Variants in ATP8A2 observed in about 807,000 individuals in gnomAD.
ATP8A2 encodes the protein ATPase phospholipid transporting 8A2.
ATP8A2 carries 100 observed loss-of-function variants against 165.6 expected under a neutral mutation model. That is an observed-to-expected ratio of 0.60 (90% CI 0.51 to 0.71). The LOEUF (loss-of-function observed/expected upper bound fraction) is 0.71. Among genes scored for constraint, ATP8A2 ranks in the 30% least tolerant of loss-of-function variants. The pLI is 0.00. For missense variants in ATP8A2, 1,227 were observed against 1,479.5 expected (o/e 0.83, Z 2.80); for synonymous variants, 543 against 548.8 (o/e 0.99, Z 0.15).
intron 25 of ATP8A2, among the ~76,000 whole-genome samples, chr13:25,716,379 T>TAAG (rs2043255840): frequency 1.3e-5 from 2 of 152,208 alleles, no homozygotes; most frequent in Admixed American, 1.3e-4. Context: ...GGGTCATATC[T>TAAG]AAGAAGCCAT....
chr13:25,796,683 G>A (rs940375861), intron 27 of ATP8A2, among the ~76,000 whole-genome samples: 1 of 152,206 alleles, frequency 6.6e-6, no homozygotes, highest in Admixed American at 6.5e-5. Flanking sequence ...GCTACACAGA[G>A]CCCTTATCTG....
intron 33 of ATP8A2, among the ~76,000 whole-genome samples, chr13:25,907,429 C>T (rs921670527): frequency 2.2e-4 from 33 of 152,094 alleles, no homozygotes; most frequent in Admixed American, 1.7e-3. Flanking sequence ...GTTGGATAAT[C>T]GTTTACTAAC....
chr13:25,689,081 C>G lies in ATP8A2; in HGVS notation c.2212-10092C>G, dbSNP rs374762788. 7.9e-5 allele frequency among the ~76,000 whole-genome samples: 12 copies of G among 152,312 alleles called. 1 individual carries two copies. The highest frequency in any genetic ancestry group is 5.9e-4 in the Admixed American group (9 of 15,292). ...ACTTTAGAGACAGTAAGTGTGGTGG[C>G]TGTGTCTTCAAAATATTGAAGTTTT... On this transcript the variant is annotated intron_variant, in intron 24 of 36. Transcript: ENST00000381655.
chr13:25,782,915 A>AT (rs1302559544), intron 27 of ATP8A2, among the ~76,000 whole-genome samples: 4 of 151,752 alleles, frequency 2.6e-5, no homozygotes, highest in African/African-American at 7.3e-5. Flanking sequence ...AATTTTTTGT[A>AT]TTTTTAGGAG....
chr13:25,460,541 G>T (rs1310285765), intron 1 of ATP8A2, among the ~76,000 whole-genome samples: 1 of 152,124 alleles, frequency 6.6e-6, no homozygotes, highest in Non-Finnish European at 1.5e-5. Flanking sequence ...TTTGGTTTTA[G>T]ATATGAAATA....
intron 33 of ATP8A2, among the ~76,000 whole-genome samples, chr13:25,890,696 A>G (rs1705260949): frequency 6.6e-6 from 1 of 152,224 alleles, no homozygotes; most frequent in South Asian, 2.1e-4. Flanking sequence ...AGAAATACGA[A>G]AATATTTGGG....
At chr13:25,966,061 G>C (rs1363960064) in intron 34 of ATP8A2, among the ~76,000 whole-genome samples, 1 of 143,782 alleles carries the variant, frequency 7.0e-6, no homozygotes, top group Non-Finnish European at 1.5e-5. Flanking sequence ...GAAAGTTCAA[G>C]ATCCTTAAAC....
chr13:25,934,066 C>T (rs1430550302), intron 33 of ATP8A2, among the ~76,000 whole-genome samples: 2 of 152,252 alleles, frequency 1.3e-5, no homozygotes, highest in Middle Eastern at 3.4e-3. Context: ...GAAAACTACC[C>T]AAAAGAAAAG....
At chr13:25,867,432 G>A (rs1297671395) in intron 33 of ATP8A2, among the ~76,000 whole-genome samples, 2 of 152,150 alleles carry the variant, frequency 1.3e-5, no homozygotes, top group Non-Finnish European at 2.9e-5. Context: ...CAAGTAGGTG[G>A]CCATCTTTGC....
At chr13:25,709,164 C>A (rs145786883) in intron 25 of ATP8A2, among the ~76,000 whole-genome samples, 237 of 152,300 alleles carry the variant, frequency 1.6e-3, no homozygotes, top group Non-Finnish European at 2.9e-3. Context: ...CCATCAAATT[C>A]TTGACACCTG....
intron 7 of ATP8A2, among the ~76,000 whole-genome samples, chr13:25,539,060 AGTGTGTGTGTGTGTGTGTGTGTGT>A (rs57382485): frequency 7.3e-6 from 1 of 137,410 alleles, no homozygotes; most frequent in East Asian, 2.2e-4. Flanking sequence ...TAGAAAATTT[AGTGTGTGTGTGTGTGTGTGTGTGT>A]GTGTGTGTGT....
intron 27 of ATP8A2, among the ~76,000 whole-genome samples, chr13:25,794,905 T>C (rs1231859018): frequency 1.3e-5 from 2 of 151,406 alleles, no homozygotes; most frequent in Non-Finnish European, 2.9e-5. Flanking sequence ...TATTTTCTTG[T>C]AATCATTTTT....
At chr13:25,924,898 C>T (rs1013881958) in intron 33 of ATP8A2, among the ~76,000 whole-genome samples, 2 of 152,170 alleles carry the variant, frequency 1.3e-5, no homozygotes, top group African/African-American at 2.4e-5. Flanking sequence ...ACTGCTGCCA[C>T]GTAAGACATG....
chr13:25,820,003 T>A (rs575449256), intron 27 of ATP8A2, among the ~76,000 whole-genome samples: 1 of 152,350 alleles, frequency 6.6e-6, no homozygotes, highest in East Asian at 1.9e-4. Flanking sequence ...ACTTCAGTCC[T>A]CTACCAGGGA....
intron 25 of ATP8A2, among the ~76,000 whole-genome samples, chr13:25,743,474 C>A (rs988451702): frequency 4.6e-5 from 7 of 152,128 alleles, no homozygotes; most frequent in African/African-American, 1.2e-4. Flanking sequence ...CAGCAGAATT[C>A]TATCAGAGTG....
intron 24 of ATP8A2, among the ~76,000 whole-genome samples, chr13:25,616,092 C>T (rs12866383): frequency 0.057 from 8,664 of 152,020 alleles, 545 homozygotes; most frequent in African/African-American, 0.14. Context: ...CCCCAGTTAT[C>T]TTATTAGATG....
Position 25,869,710 on chromosome 13 carries a change from T to C in ATP8A2, c.3183+7302T>C, listed in dbSNP as rs151238395. Among the ~76,000 whole-genome samples, 181 of 152,200 alleles carry C rather than the reference T, an allele frequency of 1.2e-3. 1 individual carries two copies. Among genetic ancestry groups the C allele is most frequent in the African/African-American group, 4.0e-3 (168 of 41,542 alleles). Reference sequence around the variant, plus strand: ...GTTCTCTTGTCCCCCTGGCAGGGCGTGTGAGAGGGGAGTGGCTCGCTTCTT... The same window carrying C: ...GTTCTCTTGTCCCCCTGGCAGGGCGCGTGAGAGGGGAGTGGCTCGCTTCTT... On this transcript the variant is annotated intron_variant, in intron 33 of 36. Transcript: ENST00000381655.
intron 24 of ATP8A2, among the ~76,000 whole-genome samples, chr13:25,688,853 C>T (rs1285261226): frequency 6.6e-6 from 1 of 152,048 alleles, no homozygotes; most frequent in Non-Finnish European, 1.5e-5. Context: ...CAAATGTGAG[C>T]CTGTGCTCCC....
rs1205656887 is a variant in ATP8A2 at position 25,372,327 on chromosome 13, G to A, written c.76+39G>A. On this transcript the variant is annotated intron_variant, in intron 1 of 36. Transcript: ENST00000381655. This position sits in a 1 kb window ranked among gnomAD's most constrained non-coding sequence, Gnocchi z 4.8. ...GGCGCGGCGAGGGAGGGTGGGCCCG[G>A]GGCGGGGGCGGCGCGGGGCGCGCCT... 3.6e-6 allele frequency: 5 copies of A among 1,393,196 alleles called. No homozygotes were observed. Among genetic ancestry groups the A allele is most frequent in the East Asian group, 3.2e-5 (1 of 31,616 alleles). 86.3% of individuals were successfully genotyped at this position (1,393,196 alleles called of 1,614,324 possible).
Sources: gnomAD v4.1 joint callset for allele counts (sites outside exome capture counted in the v4.1 genomes callset) on GRCh38, gnomAD v4.1.1 for gene constraint, Gnocchi (gnomAD v3.1) non-coding constraint, MANE v1.5 for transcripts, NCBI Gene and HGNC (gene_info 2026-07-23, HGNC 2026-07-21) for gene names.